GDPGP1: variants seen among roughly 807,000 people sequenced by gnomAD.
The protein encoded by GDPGP1 is GDP-D-glucose phosphorylase 1.
GDPGP1 carries 18 observed loss-of-function variants against 19.2 expected under a neutral mutation model. That is an observed-to-expected ratio of 0.94 (90% confidence interval 0.65 to 1.39). GDPGP1 has a LOEUF of 1.39. Ranked by LOEUF, GDPGP1 falls within the 40% of genes most tolerant of loss-of-function variation. The pLI, the probability that GDPGP1 is intolerant of heterozygous loss-of-function variation, is 0.00. For missense variants in GDPGP1, 449 were observed against 490.5 expected, an observed-to-expected ratio of 0.92 and a Z score of 0.80; for synonymous variants, 219 against 208.9, an observed-to-expected ratio of 1.05 and a Z score of -0.42.
chr15:90,239,771 C>T (rs146871689), intron 3 of GDPGP1, among the ~76,000 whole-genome samples: 71 of 152,218 alleles, frequency 4.7e-4, no homozygotes, highest in African/African-American at 1.5e-3. Flanking sequence ...TGCAATGGTG[C>T]GATCTCGGCA....
rs1962787485 is a variant in GDPGP1 at position 90,242,455 on chromosome 15, TTTTTTTTG to T, written c.*390_*397del. ...TCTTTTTTTTTTTTTTTTTTTTTTTTTTTTTTTGAGATAGTCTCGCTCTGTCACCTAGG... is the reference window on the plus strand; with the variant it reads ...TCTTTTTTTTTTTTTTTTTTTTTTTTAGATAGTCTCGCTCTGTCACCTAGG... On this transcript the variant is annotated 3_prime_UTR_variant, in exon 4 of 4. Coordinates refer to ENST00000329600, the MANE Select transcript of GDPGP1 (RefSeq NM_001013657.3). 1 of 95,296 alleles carries T rather than the reference TTTTTTTTG, an allele frequency of 1.0e-5. No homozygotes were observed. The highest frequency in any genetic ancestry group is 2.0e-5 in the Non-Finnish European group (1 of 50,030). 5.9% of individuals were successfully genotyped at this position (95,296 alleles called of 1,614,324 possible).
chr15:90,241,138 G>C lies in GDPGP1; in HGVS notation c.230G>C (p.Arg77Pro), dbSNP rs776857603. Residue 77 changes from arginine to proline, a missense_variant, in exon 4 of 4, where the codon CGC becomes CCC. By Grantham distance (103) the Arg-to-Pro change is moderately radical. Coordinates refer to ENST00000329600, the MANE Select transcript of GDPGP1 (RefSeq NM_001013657.3). Reference sequence around the variant, plus strand: ...CAGCGGGTGGAGCTGGGGCTGTTTCGCTACCGTCTACGGGAGCTACAGACC... The same window carrying C: ...CAGCGGGTGGAGCTGGGGCTGTTTCCCTACCGTCTACGGGAGCTACAGACC... Reference protein sequence around the residue: ...WKQRVELGLFRYRLRELQTQI... With the variant: ...WKQRVELGLFPYRLRELQTQI... 2 of 1,614,074 alleles carry C rather than the reference G, an allele frequency of 1.2e-6. No homozygotes were observed. Among genetic ancestry groups the C allele is most frequent in the South Asian group, 1.1e-5 (1 of 91,090 alleles).
In GDPGP1 at chr15:90,244,738, G is replaced by C. The variant is rs1249187543; in HGVS notation, c.*2672G>C. 1 of 152,314 alleles carries C rather than the reference G, an allele frequency of 6.6e-6. No homozygotes were observed. The highest frequency in any genetic ancestry group is 1.5e-5 in the Non-Finnish European group (1 of 68,190). The allele number at this position is 152,314 out of a possible 1,614,324, so 9.4% of individuals were successfully genotyped here. The stretch of plus-strand genomic sequence containing the variant: ...GGAGGCTGAGGCAGGAGAATCACTT[G>C]AACCCAGGAGGCGGAGGTTGCAGTG... On this transcript the variant is annotated 3_prime_UTR_variant, in exon 4 of 4. Transcript: ENST00000329600.
At chr15:90,237,841 A>G (rs1006230056) in intron 2 of GDPGP1, among the ~76,000 whole-genome samples, 5 of 152,122 alleles carry the variant, frequency 3.3e-5, no homozygotes, top group African/African-American at 1.2e-4. Context: ...GGTCCCAGCT[A>G]CTTGGGAGGC....
At position 90,242,103 on chromosome 15, in the gene GDPGP1, T is replaced by G; in HGVS notation, c.*37T>G. Reference sequence around the variant, plus strand: ...GTATTTATGTTCTTTTTTTCTTTTCTTTTGAGATAGGGTCTCACTCTGTCC... The same window carrying G: ...GTATTTATGTTCTTTTTTTCTTTTCGTTTGAGATAGGGTCTCACTCTGTCC... On this transcript the variant is annotated 3_prime_UTR_variant, in exon 4 of 4. Coordinates refer to ENST00000329600, the MANE Select transcript of GDPGP1 (RefSeq NM_001013657.3). 1.3e-6 allele frequency: 2 copies of G among 1,519,596 alleles called. No individual in the cohort carries two copies. Among genetic ancestry groups the G allele is most frequent in the Admixed American group, 1.9e-5 (1 of 52,356 alleles). 94.1% of individuals were successfully genotyped at this position (1,519,596 alleles called of 1,614,324 possible).
Position 90,242,951 on chromosome 15 carries a change from A to G in GDPGP1, c.*885A>G, listed in dbSNP as rs1488329242. On this transcript the variant is annotated 3_prime_UTR_variant, in exon 4 of 4. Transcript: ENST00000329600. The stretch of plus-strand genomic sequence containing the variant: ...ATAGTGGTCTCTTTAAAGGGGAGAA[A>G]ATCTGGAATAATTCTACTGAGTAAG... The G allele has an allele frequency of 6.6e-6, 1 of 152,062 alleles. No individual in the cohort carries two copies. Among genetic ancestry groups the G allele is most frequent in the Non-Finnish European group, 1.5e-5 (1 of 68,014 alleles). 9.4% of individuals were successfully genotyped at this position (152,062 alleles called of 1,614,324 possible).
chr15:90,242,164 T>A lies in GDPGP1; in HGVS notation c.*98T>A. The A allele has an allele frequency of 9.9e-7, 1 of 1,010,286 alleles. No homozygotes were observed. Among genetic ancestry groups the A allele is most frequent in the Non-Finnish European group, 1.4e-6 (1 of 706,264 alleles). 62.6% of individuals were successfully genotyped at this position (1,010,286 alleles called of 1,614,324 possible). A position where few individuals can be genotyped will look rare whatever the true frequency, so the allele number is the denominator to read the frequency against. On this transcript the variant is annotated 3_prime_UTR_variant, in exon 4 of 4. Transcript: ENST00000329600. ...GTGTAGTGGTATGATCCTGGCTCAC[T>A]GTAGCCTCCACCTCTGGGGCTGAAG...
chr15:90,241,852 C>A lies in GDPGP1; in HGVS notation c.944C>A (p.Ala315Asp), dbSNP rs773432402. 1.2e-6 allele frequency: 2 copies of A among 1,614,148 alleles called. No individual in the cohort carries two copies. The highest frequency in any genetic ancestry group is 1.3e-5 in the African/African-American group (1 of 75,034). ...ACAGGGGTCCGAGTAATTCTGTGGG[C>A]CCGGAAGTCCAGCTTTGGGATAAAG... Reference protein sequence around the residue: ...ALTGVRVILWARKSSFGIKDG... With the variant: ...ALTGVRVILWDRKSSFGIKDG... Residue 315 changes from alanine to aspartate, a missense_variant, in exon 4 of 4, where the codon GCC (alanine) becomes GAC (aspartate). Ala to Asp is a moderately radical substitution (Grantham distance 126, BLOSUM62 -2). Transcript: ENST00000329600.
Position 90,241,130 on chromosome 15 carries a change from G to C in GDPGP1, c.222G>C (p.Gly74=), listed in dbSNP as rs1962745195. ...CSAWKQRVEL[G]LFRYRLRELQ... ...CCTGGAAGCAGCGGGTGGAGCTGGG[G>C]CTGTTTCGCTACCGTCTACGGGAGC... is the stretch of plus-strand genomic sequence containing the variant. Residue 74 remains glycine, a synonymous_variant, in exon 4 of 4, where the codon GGG becomes GGC. Coordinates refer to ENST00000329600, the MANE Select transcript of GDPGP1 (RefSeq NM_001013657.3). 1 of 1,614,154 alleles carries C rather than the reference G, an allele frequency of 6.2e-7. No individual in the cohort carries two copies. The highest frequency in any genetic ancestry group is 1.3e-5 in the African/African-American group (1 of 75,052).
rs3029932 is a variant in GDPGP1, at chr15:90,243,640, G to GTTTTTTT, written c.*1598_*1604dup. ...AAGATGCCACCACACCTTGGTGCAG[G>GTTTTTTT]TTTTTTTTTTTTTTTTTTTTTTTTT... On this transcript the variant is annotated 3_prime_UTR_variant, in exon 4 of 4. Coordinates refer to ENST00000329600, the MANE Select transcript of GDPGP1 (RefSeq NM_001013657.3). 3 of 99,408 alleles carry GTTTTTTT rather than the reference G, an allele frequency of 3.0e-5. No individual in the cohort carries two copies. Among genetic ancestry groups the GTTTTTTT allele is most frequent in the South Asian group, 3.4e-4 (1 of 2,928 alleles). The allele number at this position is 99,408 out of a possible 1,614,324, so 6.2% of individuals were successfully genotyped here. A position where few individuals can be genotyped will look rare whatever the true frequency, so the allele number is the denominator to read the frequency against.
Position 90,241,973 on chromosome 15 carries a change from T to A in GDPGP1, c.1065T>A (p.Ala355=), listed in dbSNP as rs769715673. The A allele has an allele frequency of 1.2e-6, 2 of 1,614,212 alleles. No homozygotes were observed. Among genetic ancestry groups the A allele is most frequent in the South Asian group, 2.2e-5 (2 of 91,086 alleles). ...TCAGCAGCCTGACAGAGGCAGCTGC[T>A]GTGGCCCTCATTCAGGACTGTCGGC... The part of the protein sequence containing the change: ...QDFSSLTEAA[A]VALIQDCRLP... The change falls in exon 4 of 4, where the codon GCT becomes GCA. Residue 355 remains alanine (A), a synonymous_variant. Coordinates refer to ENST00000329600, the MANE Select transcript of GDPGP1 (RefSeq NM_001013657.3).
rs2151642267 is a variant in GDPGP1, at chr15:90,245,743, C to T, written c.*3677C>T. 6.6e-6 allele frequency: 1 copy of T among 152,298 alleles called. No homozygotes were observed. The highest frequency in any genetic ancestry group is 1.5e-5 in the Non-Finnish European group (1 of 68,020). The allele number at this position is 152,298 out of a possible 1,614,324, so 9.4% of individuals were successfully genotyped here. A position where few individuals can be genotyped will look rare whatever the true frequency, so the allele number is the denominator to read the frequency against. On this transcript the variant is annotated 3_prime_UTR_variant, in exon 4 of 4. Coordinates refer to ENST00000329600, the MANE Select transcript of GDPGP1 (RefSeq NM_001013657.3). The stretch of plus-strand genomic sequence containing the variant: ...GTAGGACTGATGTTTAGAGGAAAGC[C>T]TTCCCTGACTCAAATATGTTTCTCC...
chr15:90,234,978 T>C (rs1032079565), intron 2 of GDPGP1, among the ~76,000 whole-genome samples: 1 of 152,242 alleles, frequency 6.6e-6, no homozygotes, highest in Admixed American at 6.5e-5. Flanking sequence ...CAATCCATTA[T>C]ACTTGCTGAT....
intron 2 of GDPGP1, among the ~76,000 whole-genome samples, chr15:90,235,891 G>T (rs1406990019): frequency 6.6e-6 from 1 of 151,964 alleles, no homozygotes; most frequent in Non-Finnish European, 1.5e-5. Context: ...TTAATAGCAG[G>T]CTCTTTCTGT....
chr15:90,241,676 C>T lies in GDPGP1; in HGVS notation c.768C>T (p.Leu256=), dbSNP rs553590266. ...LLQDLPAPGF[L]FYTRGPGPDL... ...AGGACCTCCCAGCTCCTGGCTTCCT[C>T]TTTTACACTCGTGGGCCAGGGCCTG... Residue 256 remains leucine, a synonymous_variant, in exon 4 of 4, where the codon CTC becomes CTT. Transcript: ENST00000329600. 5.0e-6 allele frequency: 8 copies of T among 1,614,106 alleles called. No individual in the cohort carries two copies. Among genetic ancestry groups the T allele is most frequent in the Non-Finnish European group, 6.8e-6 (8 of 1,180,032 alleles).
At chr15:90,237,283 C>CTT (rs35595704) in intron 2 of GDPGP1, among the ~76,000 whole-genome samples, 3,346 of 113,234 alleles carry the variant, frequency 0.03, 288 homozygotes, top group African/African-American at 0.098. Flanking sequence ...CTTTTTTTCC[C>CTT]TTTTTTTTTT....
At position 90,241,301 on chromosome 15, in the gene GDPGP1, C is replaced by A. The variant is rs1317138669; in HGVS notation, c.393C>A (p.Pro131=). ...AGTTCAACTTCAACAAGATCCGGCC[C>A]GGAGAAGTCCTCTTCCGTTTGCACC... ...PVQFNFNKIR[P]GEVLFRLHRE... The change falls in exon 4 of 4, where the codon CCC becomes CCA. Residue 131 remains proline, a synonymous_variant. Transcript: ENST00000329600. 1 of 1,614,100 alleles carries A rather than the reference C, an allele frequency of 6.2e-7. No homozygotes were observed. The highest frequency in any genetic ancestry group is 1.3e-5 in the African/African-American group (1 of 74,928).
In GDPGP1 at chr15:90,242,580, CTA is replaced by C. The variant is rs35739430; in HGVS notation, c.*517_*518del. On this transcript the variant is annotated 3_prime_UTR_variant, in exon 4 of 4. Coordinates refer to ENST00000329600, the MANE Select transcript of GDPGP1 (RefSeq NM_001013657.3). The stretch of plus-strand genomic sequence containing the variant: ...GGCTCAGCCTCCCGAGTAGCTGGGA[CTA>C]TACAGGCTCCTGCCACCAAACCCGG... 80,900 of 150,852 alleles carry C rather than the reference CTA, an allele frequency of 0.54. 23,463 individuals are homozygous for C. Among genetic ancestry groups the C allele is most frequent in the African/African-American group, 0.75 (30,912 of 41,014 alleles). The allele number at this position is 150,852 out of a possible 1,614,324, so 9.3% of individuals were successfully genotyped here.
intron 3 of GDPGP1, among the ~76,000 whole-genome samples, chr15:90,240,341 C>T (rs1007550284): frequency 6.6e-6 from 1 of 151,196 alleles, no homozygotes; most frequent in Non-Finnish European, 1.5e-5. Context: ...AACCCTGCCT[C>T]TACTAAAAAT....
Sources: allele counts gnomAD v4.1 joint callset (sites outside exome capture counted in the v4.1 genomes callset), GRCh38; gene constraint gnomAD v4.1.1; transcripts MANE v1.5; gene names NCBI Gene and HGNC (gene_info 2026-07-23, HGNC 2026-07-21).